Variants in ASTN2 observed in about 807,000 individuals in gnomAD.
The protein encoded by ASTN2 is astrotactin-2.
Under a neutral mutation model 139.8 loss-of-function variants are expected in ASTN2, and 54 were observed. The ratio of observed to expected loss-of-function variants is 0.39; its 90% CI spans 0.31 to 0.48. The LOEUF is 0.48. ASTN2 is among the 20% of genes least tolerant of loss of function. The probability of loss-of-function intolerance (pLI) is 0.95; values close to 1 mark genes in which losing one functional copy is unlikely to be tolerated. For synonymous variants in ASTN2, 756 were observed against 719.5 expected, an observed-to-expected ratio of 1.05 and a Z score of -0.81; for missense variants, 1,565 against 1,725.1, an observed-to-expected ratio of 0.91 and a Z score of 1.64.
At chr9:116,799,506 T>C (rs1830784826) in intron 13 of ASTN2, among the ~76,000 whole-genome samples, 1 of 152,128 alleles carries the variant, frequency 6.6e-6, no homozygotes, top group Admixed American at 6.5e-5. Flanking sequence ...CCCATCTTAT[T>C]TATGATGAGG....
intron 5 of ASTN2, among the ~76,000 whole-genome samples, chr9:117,045,586 T>C (rs1838711711): frequency 6.6e-6 from 1 of 152,204 alleles, no homozygotes; most frequent in Non-Finnish European, 1.5e-5. Context: ...AACTCAGTGT[T>C]GTTGATCCAC....
chr9:117,395,757 C>T (rs1465648042), intron 1 of ASTN2, among the ~76,000 whole-genome samples: 3 of 152,126 alleles, frequency 2.0e-5, no homozygotes, highest in Admixed American at 1.3e-4. Flanking sequence ...TACACAGAAC[C>T]CCCATGAAAC....
chr9:116,633,706 C>T (rs186749929), intron 17 of ASTN2, among the ~76,000 whole-genome samples: 9 of 152,262 alleles, frequency 5.9e-5, no homozygotes, highest in African/African-American at 2.2e-4. Context: ...CGCCCATTGT[C>T]CCTAAGGAGG....
At chr9:117,097,687 C>A (rs572338061) in intron 4 of ASTN2, among the ~76,000 whole-genome samples, 8 of 152,180 alleles carry the variant, frequency 5.3e-5, no homozygotes, top group Non-Finnish European at 1.2e-4. Flanking sequence ...AAGCACCATG[C>A]AAACCTATTA....
intron 16 of ASTN2, among the ~76,000 whole-genome samples, chr9:116,652,949 C>T (rs532533489): frequency 1.3e-5 from 2 of 152,312 alleles, no homozygotes; most frequent in South Asian, 2.1e-4. Context: ...TCTATCAATG[C>T]TCCATTCCAA....
chr9:116,851,453 C>T (rs1832598773), intron 11 of ASTN2, among the ~76,000 whole-genome samples: 1 of 149,624 alleles, frequency 6.7e-6, no homozygotes, highest in Non-Finnish European at 1.5e-5. Flanking sequence ...TATTATATTG[C>T]ACAGTAAAAT....
chr9:116,537,672 C>T (rs563632914), intron 19 of ASTN2, among the ~76,000 whole-genome samples: 1 of 152,252 alleles, frequency 6.6e-6, no homozygotes, highest in East Asian at 1.9e-4. Context: ...TTGGAAAGAC[C>T]ATTCACTGCA....
intron 19 of ASTN2, among the ~76,000 whole-genome samples, chr9:116,524,078 C>G (rs763574803): frequency 1.1e-4 from 16 of 152,026 alleles, no homozygotes; most frequent in Non-Finnish European, 2.4e-4. Flanking sequence ...CCCTAAAACT[C>G]TATTATGGAT....
intron 17 of ASTN2, among the ~76,000 whole-genome samples, chr9:116,626,769 C>T (rs532974319): frequency 1.3e-5 from 2 of 152,154 alleles, no homozygotes; most frequent in East Asian, 3.9e-4. Flanking sequence ...GCATGGTGCG[C>T]CCATGCTGAC....
intron 19 of ASTN2, among the ~76,000 whole-genome samples, chr9:116,514,711 C>T (rs1850561704): frequency 6.6e-6 from 1 of 152,222 alleles, no homozygotes; most frequent in African/African-American, 2.4e-5. Context: ...AAGCCTCCCC[C>T]AGCCTCGCTG....
At chr9:116,484,354 G>A (rs897222886) in intron 20 of ASTN2, among the ~76,000 whole-genome samples, 1 of 152,174 alleles carries the variant, frequency 6.6e-6, no homozygotes, top group Admixed American at 6.5e-5. Flanking sequence ...ATAGAGCAGT[G>A]AAAAACCTGC....
intron 10 of ASTN2, among the ~76,000 whole-genome samples, chr9:116,948,783 G>GGGTTT (rs1835470053): frequency 2.0e-5 from 1 of 49,400 alleles, no homozygotes; most frequent in African/African-American, 1.1e-4. Context: ...AAATAATTTG[G>GGGTTT]TGTTTTTTTT....
At chr9:116,829,588 T>C (rs1209218219) in intron 11 of ASTN2, among the ~76,000 whole-genome samples, 1 of 152,140 alleles carries the variant, frequency 6.6e-6, no homozygotes, top group African/African-American at 2.4e-5. Flanking sequence ...GTCTTCACAT[T>C]GCTGGGAGCA....
At chr9:117,200,788 A>T (rs894392393) in intron 3 of ASTN2, among the ~76,000 whole-genome samples, 2 of 152,144 alleles carry the variant, frequency 1.3e-5, no homozygotes, top group Admixed American at 6.5e-5. Flanking sequence ...GGATTTTTGC[A>T]TCGATGTTCA....
At chr9:117,359,315 C>T (rs557660353) in intron 1 of ASTN2, among the ~76,000 whole-genome samples, 1 of 152,252 alleles carries the variant, frequency 6.6e-6, no homozygotes, top group Non-Finnish European at 1.5e-5. Context: ...AGACATGACA[C>T]AATGTAAATG....
chr9:116,467,051 C>A (rs1035058488), intron 20 of ASTN2, among the ~76,000 whole-genome samples: 1 of 152,064 alleles, frequency 6.6e-6, no homozygotes, highest in Non-Finnish European at 1.5e-5. Flanking sequence ...GTGGTGACAT[C>A]AGCCAAGCAA....
intron 2 of ASTN2, among the ~76,000 whole-genome samples, chr9:117,269,332 T>G (rs777452112): frequency 3.3e-5 from 5 of 152,186 alleles, no homozygotes; most frequent in African/African-American, 4.8e-5. Flanking sequence ...GCTAGAAGAA[T>G]GACACTTTAA....
chr9:116,864,981 T>G (rs1420735997), intron 10 of ASTN2, among the ~76,000 whole-genome samples: 1 of 152,328 alleles, frequency 6.6e-6, no homozygotes, highest in East Asian at 1.9e-4. Context: ...ATAAATTAGC[T>G]TCTCTGGCAT....
At chr9:117,100,131 C>T (rs1564425561) in intron 4 of ASTN2, among the ~76,000 whole-genome samples, 1 of 152,202 alleles carries the variant, frequency 6.6e-6, no homozygotes, top group African/African-American at 2.4e-5. Context: ...TCTAATCAGG[C>T]TTAGCAAGAT....
Sources: allele counts gnomAD v4.1 joint callset (sites outside exome capture counted in the v4.1 genomes callset), GRCh38; gene constraint gnomAD v4.1.1; transcripts MANE v1.5; gene names NCBI Gene and HGNC (gene_info 2026-07-23, HGNC 2026-07-21).